Variants in NEDD9 observed in about 807,000 individuals in gnomAD.
NEDD9 encodes the protein neural precursor cell expressed, developmentally down-regulated 9, also known as enhancer of filamentation 1.
In NEDD9, 26 loss-of-function variants were observed where a neutral mutation model predicts 76.6. The observed-to-expected ratio is 0.34, with a 90% CI of 0.25 to 0.47. The LOEUF is 0.47. Among genes scored for constraint, NEDD9 ranks in the 20% least tolerant of loss-of-function variants. NEDD9 has a pLI of 1.00. For missense variants in NEDD9, 937 were observed against 1,058.5 expected (o/e 0.89, Z 1.59); for synonymous variants, 392 against 414.2 (o/e 0.95, Z 0.65).
chr6:11,326,898 G>A (rs556225026), intron 2 of NEDD9, among the ~76,000 whole-genome samples: 5 of 152,354 alleles, frequency 3.3e-5, no homozygotes, highest in African/African-American at 1.2e-4. Flanking sequence ...CATAAGAGAT[G>A]CATTCAGATA....
Position 11,241,632 on chromosome 6 carries a change from G to C in NEDD9, c.13-27905C>G, listed in dbSNP as rs933939585. On this transcript the variant is annotated intron_variant, in intron 3 of 3. Coordinates refer to the NEDD9 transcript ENST00000397378. This position sits in a 1 kb window ranked among gnomAD's most constrained non-coding sequence, Gnocchi z 4.0. ...GCGGAGGTAGGGACAGTACACAATG[G>C]GGGAGAAGGGAGTGTTTTAAACACC... is the stretch of plus-strand genomic sequence containing the variant. 6.6e-6 allele frequency among the ~76,000 whole-genome samples: 1 copy of C among 152,142 alleles called. No homozygotes were observed. The highest frequency in any genetic ancestry group is 1.5e-5 in the Non-Finnish European group (1 of 68,022).
At chr6:11,238,449 C>T (rs116955883) in intron 3 of NEDD9, among the ~76,000 whole-genome samples, 2,940 of 152,318 alleles carry the variant, frequency 0.019, 43 homozygotes, top group East Asian at 0.084. Context: ...TCTCCACCCT[C>T]GTGGGACTAA....
intron 3 of NEDD9, chr6:11,305,921 A>C (rs1761173085): frequency 6.6e-7 from 1 of 1,517,476 alleles, no homozygotes; most frequent in Non-Finnish European, 9.2e-7. Flanking sequence ...TTATTATTGC[A>C]GAGAATTTAG....
chr6:11,200,373 TG>T, intron 2 of NEDD9: 1 of 588,334 alleles, frequency 1.7e-6, no homozygotes, highest in South Asian at 1.6e-5. Flanking sequence ...AAATTCTCTC[TG>T]GAGGCAGAGA....
intron 1 of NEDD9, among the ~76,000 whole-genome samples, chr6:11,346,257 T>G (rs990039794): frequency 2.0e-5 from 3 of 152,226 alleles, no homozygotes; most frequent in Non-Finnish European, 2.9e-5. Flanking sequence ...TTGTACCTTT[T>G]ATGTTCCATG....
At chr6:11,238,441 T>C (rs1285116149) in intron 3 of NEDD9, among the ~76,000 whole-genome samples, 1 of 152,234 alleles carries the variant, frequency 6.6e-6, no homozygotes, top group Non-Finnish European at 1.5e-5. Context: ...AGGTCGAGTC[T>C]CCACCCTCGT....
chr6:11,230,052 G>T (rs1296033350), intron 1 of NEDD9, among the ~76,000 whole-genome samples: 2 of 152,218 alleles, frequency 1.3e-5, no homozygotes, highest in Non-Finnish European at 2.9e-5. Context: ...GAGCAACGTA[G>T]TATTTTAGAG....
chr6:11,320,594 A>G (rs1390039448), intron 2 of NEDD9, among the ~76,000 whole-genome samples: 1 of 152,254 alleles, frequency 6.6e-6, no homozygotes, highest in Non-Finnish European at 1.5e-5. Flanking sequence ...GTGCAGGGCT[A>G]CGTGCTACAA....
At position 11,344,335 on chromosome 6, in the gene NEDD9, T is replaced by C. The variant is rs1762327897; in HGVS notation, c.-213-9774A>G. ...GTTGGAAAGTCCCCGTTGTTGAAGA[T>C]GTTTATCCTGGAGAAAGAGGGCACC... On this transcript the variant is annotated intron_variant, in intron 1 of 3. Transcript: ENST00000397378. 2.6e-5 allele frequency among the ~76,000 whole-genome samples: 4 copies of C among 152,196 alleles called. No homozygotes were observed. The South Asian group carries it at 8.3e-4, about 32-fold the overall frequency.
intron 1 of NEDD9, among the ~76,000 whole-genome samples, chr6:11,225,822 A>G (rs1581969139): frequency 6.9e-6 from 1 of 145,720 alleles, no homozygotes; most frequent in Admixed American, 6.9e-5. Flanking sequence ...TTTTTTTTAA[A>G]GAATAACTGG....
chr6:11,197,816 T>A (rs1758327546), intron 2 of NEDD9, among the ~76,000 whole-genome samples: 1 of 152,204 alleles, frequency 6.6e-6, no homozygotes, highest in Admixed American at 6.5e-5. Context: ...TTTGACACTT[T>A]CATGCCTCAT....
rs75966260 is a variant in NEDD9, at chr6:11,306,183, G to A, written c.-152-28C>T. ...GAAAACAGGAGATAGAGATGGAAAG[G>A]TTGGTAAGATCTGAAAAAAATTGAG... On this transcript the variant is annotated intron_variant, in intron 2 of 3. Transcript: ENST00000397378. The A allele has an allele frequency of 2.1e-3, 1,510 of 736,192 alleles. 14 individuals carry two copies. The African/African-American group carries it at 0.023, about 11-fold the overall frequency. The allele number at this position is 736,192 out of a possible 1,614,324, so 45.6% of individuals were successfully genotyped here. A position where few individuals can be genotyped will look rare whatever the true frequency, so the allele number is the denominator to read the frequency against.
At chr6:11,203,966 T>A (rs1326003162) in intron 2 of NEDD9, among the ~76,000 whole-genome samples, 1 of 120,924 alleles carries the variant, frequency 8.3e-6, no homozygotes, top group Non-Finnish European at 1.8e-5. Flanking sequence ...TGCTTGAGTA[T>A]CTTTTCTTTA....
At chr6:11,196,693 C>T (rs1446810180) in intron 2 of NEDD9, among the ~76,000 whole-genome samples, 1 of 151,986 alleles carries the variant, frequency 6.6e-6, no homozygotes, top group East Asian at 1.9e-4. Context: ...GAATACAGCA[C>T]CCCCCGCCCG....
chr6:11,344,031 T>G (rs1762320771), intron 1 of NEDD9, among the ~76,000 whole-genome samples: 2 of 152,148 alleles, frequency 1.3e-5, no homozygotes, highest in South Asian at 4.1e-4. Context: ...GAAGTGAAGT[T>G]ATTTCTCAAG....
In NEDD9 at chr6:11,213,672, G is replaced by T; in HGVS notation, c.68C>A (p.Ala23Asp). ...GGTCAGGATGTCTCCCTTGCGAAAG[G>T]CCAGTTCCTCGGCACACTCTGGGAC... Reference protein sequence around the residue: ...DNVPECAEELAFRKGDILTVI... With the variant: ...DNVPECAEELDFRKGDILTVI... The change falls in exon 2 of 7, where the codon GCC becomes GAC. Residue 23 changes from alanine (A) to aspartate (D), a missense_variant. Coordinates refer to ENST00000379446, the MANE Select transcript of NEDD9 (RefSeq NM_006403.4). This position sits in a 1 kb window ranked among gnomAD's most constrained non-coding sequence, Gnocchi z 5.4. The T allele has an allele frequency of 6.2e-7, 1 of 1,614,100 alleles. No individual in the cohort carries two copies. Among genetic ancestry groups the T allele is most frequent in the Non-Finnish European group, 8.5e-7 (1 of 1,180,020 alleles).
chr6:11,363,027 G>A (rs1762703998), intron 1 of NEDD9, among the ~76,000 whole-genome samples: 1 of 151,962 alleles, frequency 6.6e-6, no homozygotes, highest in African/African-American at 2.4e-5. Context: ...GATTCTTCTA[G>A]CCCTGTTCCC....
chr6:11,249,957 C>G (rs1759885061), intron 3 of NEDD9, among the ~76,000 whole-genome samples: 1 of 152,206 alleles, frequency 6.6e-6, no homozygotes, highest in Non-Finnish European at 1.5e-5. Context: ...CTGCCACAGG[C>G]AGGTCCTTTC....
At position 11,325,056 on chromosome 6, in the gene NEDD9, T is replaced by C. The variant is rs188005104; in HGVS notation, c.-153+9445A>G. On this transcript the variant is annotated intron_variant, in intron 2 of 3. Transcript: ENST00000397378. ...GTAAGCCAAAGGTAGAGAGCATTGA[T>C]AGAACGTGCATGTATCAGGCCGGGC... 2.3e-3 allele frequency among the ~76,000 whole-genome samples: 345 copies of C among 152,256 alleles called. 8 individuals are homozygous for C. Among genetic ancestry groups the C allele is most frequent in the Admixed American group, 0.02 (311 of 15,298 alleles).
Sources: gnomAD v4.1 joint callset for allele counts (sites outside exome capture counted in the v4.1 genomes callset) on GRCh38, gnomAD v4.1.1 for gene constraint, Gnocchi (gnomAD v3.1) non-coding constraint, MANE v1.5 for transcripts, NCBI Gene and HGNC (gene_info 2026-07-23, HGNC 2026-07-21) for gene names.